CHL1: variants seen among roughly 807,000 people sequenced by gnomAD.
CHL1 encodes neural cell adhesion molecule L1-like protein.
Under a neutral mutation model 141.9 loss-of-function variants are expected in CHL1, and 96 were observed. The observed-to-expected ratio is 0.68, with a 90% CI of 0.57 to 0.80. The LOEUF (loss-of-function observed/expected upper bound fraction) is 0.80, where lower values mean the gene tolerates loss of function less well. Ranked by LOEUF, CHL1 falls within the 30% of genes least tolerant of loss-of-function variation. The probability of loss-of-function intolerance (pLI) is 0.00; values close to 1 mark genes in which losing one functional copy is unlikely to be tolerated. For missense variants in CHL1, 1,820 were observed against 1,457.2 expected, an observed-to-expected ratio of 1.25 and a Z score of -4.05; for synonymous variants, 613 against 502.2, an observed-to-expected ratio of 1.22 and a Z score of -2.95.
At chr3:339,645 C>G (rs114761801) in intron 5 of CHL1, among the ~76,000 whole-genome samples, 11 of 152,144 alleles carry the variant, frequency 7.2e-5, no homozygotes, top group African/African-American at 4.8e-5. Context: ...AGACAAAAAG[C>G]AATTCACTGT....
chr3:391,021 A>G lies in CHL1; in HGVS notation c.2653A>G (p.Arg885Gly). 1 of 1,614,132 alleles carries G rather than the reference A, an allele frequency of 6.2e-7. No individual in the cohort carries two copies. Among genetic ancestry groups the G allele is most frequent in the Non-Finnish European group, 8.5e-7 (1 of 1,179,928 alleles). The change falls in exon 22 of 28, where the codon AGA becomes GGA. Residue 885 changes from arginine to glycine, a missense_variant. By Grantham distance (125) the Arg-to-Gly change is moderately radical. Transcript: ENST00000256509. ...RTHPKEVNILRFSGQRNSGMV... is the reference protein window; with the variant it reads ...RTHPKEVNILGFSGQRNSGMV... The stretch of plus-strand genomic sequence containing the variant: ...ACATCCCAAAGAAGTGAACATTCTA[A>G]GATTTTCAGGACAAAGAAACTCTGG...
intron 1 of CHL1, among the ~76,000 whole-genome samples, chr3:230,502 C>A (rs1414081152): frequency 1.4e-5 from 2 of 145,422 alleles, no homozygotes; most frequent in African/African-American, 5.0e-5. Context: ...AAGTATAAAC[C>A]TTTTTTTTTT....
At chr3:229,869 C>A (rs1014506186) in intron 1 of CHL1, among the ~76,000 whole-genome samples, 3 of 152,152 alleles carry the variant, frequency 2.0e-5, no homozygotes, top group African/African-American at 7.2e-5. Flanking sequence ...CACCTCTTCC[C>A]TCATCTCAGC....
intron 2 of CHL1, among the ~76,000 whole-genome samples, chr3:316,558 G>A (rs1344959122): frequency 6.6e-6 from 1 of 151,832 alleles, no homozygotes; most frequent in Non-Finnish European, 1.5e-5. Flanking sequence ...AGATTTCTTT[G>A]TGGATCTGAG....
In CHL1 at chr3:331,130, A is replaced by G. The variant is rs78044080; in HGVS notation, c.385+2776A>G. Among the ~76,000 whole-genome samples, 445 of 152,330 alleles carry G rather than the reference A, an allele frequency of 2.9e-3. 2 individuals carry two copies. Among genetic ancestry groups the G allele is most frequent in the African/African-American group, 0.01 (431 of 41,582 alleles). ...AAAAAATGTTTTAAAAAGTGAGACT[A>G]TTTGAACAATACGTTTATCACCAGG... On this transcript the variant is annotated intron_variant, in intron 5 of 27. Transcript: ENST00000256509.
At chr3:295,318 T>A (rs1321578236) in intron 2 of CHL1, among the ~76,000 whole-genome samples, 1 of 152,136 alleles carries the variant, frequency 6.6e-6, no homozygotes, top group Non-Finnish European at 1.5e-5. Context: ...AGTATTTAAT[T>A]AGGAGAGTTT....
At chr3:263,734 G>T (rs1008441424) in intron 2 of CHL1, among the ~76,000 whole-genome samples, 5 of 152,084 alleles carry the variant, frequency 3.3e-5, no homozygotes, top group Non-Finnish European at 7.4e-5. Context: ...CTTACTTTTA[G>T]ATTTTTATAG....
At chr3:234,598 T>C (rs917886373) in intron 1 of CHL1, among the ~76,000 whole-genome samples, 3 of 152,134 alleles carry the variant, frequency 2.0e-5, no homozygotes, top group African/African-American at 7.2e-5. Context: ...GACGGGACTC[T>C]GAAGCCCCCA....
intron 16 of CHL1, among the ~76,000 whole-genome samples, chr3:379,732 C>T (rs7615285): frequency 0.83 from 126,656 of 152,016 alleles, 56,423 homozygotes; most frequent in East Asian, 0.99. Context: ...TGGTTATATA[C>T]GCAGTAATCT....
intron 3 of CHL1, among the ~76,000 whole-genome samples, chr3:322,232 A>T (rs1700617882): frequency 6.6e-6 from 1 of 152,098 alleles, no homozygotes; most frequent in East Asian, 1.9e-4. Context: ...GTAGATAAAC[A>T]CTGAACTTGA....
At chr3:279,996 A>AT (rs143601670) in intron 2 of CHL1, among the ~76,000 whole-genome samples, 2,719 of 152,230 alleles carry the variant, frequency 0.018, 91 homozygotes, top group African/African-American at 0.062. Context: ...CACACTGAGT[A>AT]TTTTTTAACT....
chr3:339,497 G>T (rs1225243075), intron 5 of CHL1, among the ~76,000 whole-genome samples: 1 of 152,188 alleles, frequency 6.6e-6, no homozygotes, highest in Admixed American at 6.5e-5. Flanking sequence ...AACGAGTTGA[G>T]CAAGAGGAAA....
At chr3:388,075 C>A (rs959558717) in intron 19 of CHL1, among the ~76,000 whole-genome samples, 1 of 152,050 alleles carries the variant, frequency 6.6e-6, no homozygotes, top group African/African-American at 2.4e-5. Flanking sequence ...TATAAGTGAA[C>A]CTTAAATTTA....
chr3:369,240 T>G (rs968878115), intron 15 of CHL1, among the ~76,000 whole-genome samples: 2 of 151,902 alleles, frequency 1.3e-5, no homozygotes, highest in East Asian at 3.9e-4. Flanking sequence ...ATGGGATTTT[T>G]TTTTTTCATT....
chr3:288,098 T>C (rs1697335704), intron 2 of CHL1, among the ~76,000 whole-genome samples: 1 of 152,170 alleles, frequency 6.6e-6, no homozygotes, highest in Non-Finnish European at 1.5e-5. Flanking sequence ...AGCCTTATTT[T>C]ACTTGGATTC....
intron 15 of CHL1, among the ~76,000 whole-genome samples, chr3:367,158 C>T (rs1705007582): frequency 6.6e-6 from 1 of 152,240 alleles, no homozygotes. Flanking sequence ...TGCTGAATGT[C>T]TACTCTCTTT....
intron 11 of CHL1, among the ~76,000 whole-genome samples, chr3:358,702 C>G (rs761050827): frequency 4.6e-5 from 7 of 151,748 alleles, no homozygotes; most frequent in Non-Finnish European, 5.9e-5. Flanking sequence ...AGCTCACAGT[C>G]AAGTGAAAAA....
chr3:370,021 TG>T (rs1705418576), intron 15 of CHL1, among the ~76,000 whole-genome samples: 1 of 152,252 alleles, frequency 6.6e-6, no homozygotes. Context: ...TGAGGATTTT[TG>T]CATCAATGTT....
intron 2 of CHL1, among the ~76,000 whole-genome samples, chr3:319,037 C>G (rs1001228273): frequency 6.6e-6 from 1 of 151,272 alleles, no homozygotes; most frequent in Non-Finnish European, 1.5e-5. Flanking sequence ...GGTCATTATT[C>G]TAAGCAAATT....
Sources: gnomAD v4.1 joint callset for allele counts (sites outside exome capture counted in the v4.1 genomes callset) on GRCh38, gnomAD v4.1.1 for gene constraint, MANE v1.5 for transcripts, NCBI Gene and HGNC (gene_info 2026-07-23, HGNC 2026-07-21) for gene names.